RNF213: variants seen among roughly 807,000 people sequenced by gnomAD.
RNF213 encodes ring finger protein 213, also known as E3 ubiquitin-protein ligase RNF213.
A neutral mutation model predicts 514.4 loss-of-function variants in RNF213; 341 were observed. That is an observed-to-expected ratio of 0.66 (90% CI 0.61 to 0.73). The LOEUF (loss-of-function observed/expected upper bound fraction) is 0.73, where lower values mean the gene tolerates loss of function less well. Ranked by LOEUF, RNF213 falls within the 30% of genes least tolerant of loss-of-function variation. The pLI is 0.00. For missense variants in RNF213, 5,767 were observed against 6,615.6 expected (o/e 0.87, Z 4.45); for synonymous variants, 2,655 against 2,658.2 (o/e 1.00, Z 0.04).
At chr17:80,379,937 C>CT in intron 55 of RNF213, 1 of 573,634 alleles carries the variant, frequency 1.7e-6, no homozygotes, top group Non-Finnish European at 3.2e-6. Context: ...GCAGGCTACC[C>CT]TTTAACAGCT....
chr17:80,365,928 G>A (rs962265792), intron 42 of RNF213, among the ~76,000 whole-genome samples: 3 of 151,870 alleles, frequency 2.0e-5, no homozygotes. Context: ...GGTTAGGAAC[G>A]TGGGGAGGGT....
chr17:80,273,365 C>T lies in RNF213; in HGVS notation c.222C>T (p.Pro74=), dbSNP rs60826056. 6.4e-3 allele frequency: 10,321 copies of T among 1,613,196 alleles called. 624 individuals carry two copies. In the African/African-American group the frequency reaches 0.12, roughly 19 times the overall value. The part of the protein sequence containing the change: ...FPGSDSWQEN[P]EEPCSKASWT... ...GCTCAGACAGTTGGCAAGAAAACCC[C>T]GAGGAGCCCTGTTCCAAAGCCTCCT... The change falls in exon 3 of 68, where the codon CCC becomes CCT. Residue 74 remains proline (P), a synonymous_variant. Transcript: ENST00000582970.
intron 26 of RNF213, among the ~76,000 whole-genome samples, chr17:80,342,264 G>A (rs1182036642): frequency 6.6e-6 from 1 of 152,198 alleles, no homozygotes; most frequent in Non-Finnish European, 1.5e-5. Context: ...ACACTCTGAT[G>A]TTCACAGTGA....
chr17:80,367,582 GCATT>G (rs1234150033), intron 42 of RNF213, among the ~76,000 whole-genome samples, 162 bp from the exon 43 acceptor site: 10 of 152,178 alleles, frequency 6.6e-5, no homozygotes, highest in Admixed American at 4.6e-4. Context: ...CACAAAACGA[GCATT>G]CAGAGTTCAA....
At chr17:80,323,908 CA>C (rs2143881169) in intron 17 of RNF213, among the ~76,000 whole-genome samples, 1 of 151,776 alleles carries the variant, frequency 6.6e-6, no homozygotes, top group African/African-American at 2.4e-5. Context: ...GGTGTCTAGA[CA>C]CACAGTGCTC....
intron 25 of RNF213, among the ~76,000 whole-genome samples, chr17:80,338,226 C>T (rs1398277919): frequency 6.6e-6 from 1 of 152,146 alleles, no homozygotes. Context: ...TTAGCAGTCC[C>T]TCCTTACGAT....
chr17:80,330,825 G>A (rs756919069), intron 20 of RNF213, among the ~76,000 whole-genome samples: 1 of 152,174 alleles, frequency 6.6e-6, no homozygotes, highest in Non-Finnish European at 1.5e-5. Flanking sequence ...GATGGACCAT[G>A]TCTTTTTTTT....
intron 2 of RNF213, among the ~76,000 whole-genome samples, chr17:80,271,283 A>G (rs1236281727): frequency 6.6e-6 from 1 of 152,024 alleles, no homozygotes; most frequent in Non-Finnish European, 1.5e-5. Flanking sequence ...CGTTTAGAGG[A>G]TTTGTTATCA....
chr17:80,359,690 GA>G (rs2078982303), intron 37 of RNF213, among the ~76,000 whole-genome samples: 1 of 152,166 alleles, frequency 6.6e-6, no homozygotes, highest in Non-Finnish European at 1.5e-5. Flanking sequence ...TTATTTAAAA[GA>G]CAAGGCGCTG....
At chr17:80,316,734 G>A (rs777028479) in intron 15 of RNF213, 41 of 269,550 alleles carry the variant, frequency 1.5e-4, no homozygotes, top group Non-Finnish European at 2.7e-4. Context: ...ACTTTCCAAC[G>A]GTTTGGGAGA....
intron 58 of RNF213, 26 bp from the exon 59 acceptor site, chr17:80,383,651 T>A (rs773153584): frequency 1.3e-6 from 2 of 1,572,540 alleles, no homozygotes; most frequent in South Asian, 1.1e-5. Context: ...ACTTCCAGAA[T>A]TTTTTTTTTC....
chr17:80,390,891 G>GTA, intron 67 of RNF213, among the ~76,000 whole-genome samples: 1 of 151,880 alleles, frequency 6.6e-6, no homozygotes, highest in South Asian at 2.1e-4. Context: ...GTGAAACTCT[G>GTA]TTTCTACTAA....
intron 51 of RNF213, 71 bp from the exon 52 acceptor site, chr17:80,376,230 C>A: frequency 6.5e-7 from 1 of 1,534,414 alleles, no homozygotes; most frequent in Non-Finnish European, 9.0e-7. Context: ...TATTTGGTGT[C>A]AGTGTATGTC....
chr17:80,390,829 G>A (rs932172644), intron 67 of RNF213, among the ~76,000 whole-genome samples: 6 of 152,120 alleles, frequency 3.9e-5, no homozygotes, highest in African/African-American at 1.4e-4. Flanking sequence ...TTGGGAGGCC[G>A]AGGTGGGTGG....
intron 21 of RNF213, 170 bp from the exon 22 acceptor site, chr17:80,333,935 G>A: frequency 1.5e-6 from 1 of 667,174 alleles, no homozygotes; most frequent in Non-Finnish European, 2.6e-6. Context: ...AGCCATGGGG[G>A]TTTGATCATC....
intron 63 of RNF213, among the ~76,000 whole-genome samples, chr17:80,387,205 A>C (rs534939622): frequency 4.3e-4 from 65 of 152,228 alleles, no homozygotes; most frequent in Admixed American, 1.1e-3. Context: ...CTCTGGGCTC[A>C]AGCGATCCTC....
chr17:80,265,338 C>T (rs981568579), intron 2 of RNF213, among the ~76,000 whole-genome samples: 16 of 152,298 alleles, frequency 1.1e-4, no homozygotes, highest in African/African-American at 2.9e-4. Context: ...TGAGCCACCG[C>T]GCCCAGCCTA....
chr17:80,271,902 C>T (rs1459378349), intron 2 of RNF213, among the ~76,000 whole-genome samples: 2 of 152,052 alleles, frequency 1.3e-5, no homozygotes, highest in African/African-American at 4.8e-5. Context: ...ATCACTTGAA[C>T]CCAGGAGGTG....
intron 3 of RNF213, among the ~76,000 whole-genome samples, chr17:80,281,828 C>T (rs892918005): frequency 2.6e-5 from 4 of 152,164 alleles, no homozygotes; most frequent in Non-Finnish European, 5.9e-5. Context: ...GGTACATAAC[C>T]CACAGCATCC....
Sources: gnomAD v4.1 joint callset for allele counts (sites outside exome capture counted in the v4.1 genomes callset) on GRCh38, gnomAD v4.1.1 for gene constraint, MANE v1.5 for transcripts, NCBI Gene and HGNC (gene_info 2026-07-23, HGNC 2026-07-21) for gene names.